The following RAB7A variants were observed in gnomAD, a reference collection of about 807,000 sequenced individuals.
The protein encoded by RAB7A is RAB7A, member RAS oncogene family, also known as ras-related protein Rab-7a.
Under a neutral mutation model 24.5 loss-of-function variants are expected in RAB7A, and 2 were observed. The observed-to-expected ratio is 0.08, with a 90% CI of 0.03 to 0.26. The LOEUF (loss-of-function observed/expected upper bound fraction) is 0.26, where lower values mean the gene tolerates loss of function less well. Ranked by LOEUF, RAB7A falls within the 10% of genes least tolerant of loss-of-function variation. The pLI is 1.00. For synonymous variants in RAB7A, 100 were observed against 95.9 expected, an observed-to-expected ratio of 1.04 and a Z score of -0.25; for missense variants, 118 against 255.7, an observed-to-expected ratio of 0.46 and a Z score of 3.67.
intron 5 of RAB7A, among the ~76,000 whole-genome samples, chr3:128,809,886 G>A (rs2107617018): frequency 6.8e-6 from 1 of 146,078 alleles, no homozygotes; most frequent in South Asian, 2.2e-4. Flanking sequence ...CCCTTATCTG[G>A]ACTGTGTTGA....
intron 1 of RAB7A, among the ~76,000 whole-genome samples, chr3:128,792,289 T>C (rs967644616): frequency 6.6e-6 from 1 of 152,240 alleles, no homozygotes; most frequent in Non-Finnish European, 1.5e-5. Flanking sequence ...GGTACACCAG[T>C]GAAACCTATT....
chr3:128,762,056 T>C (rs1432188469), intron 1 of RAB7A, among the ~76,000 whole-genome samples: 2 of 152,354 alleles, frequency 1.3e-5, no homozygotes, highest in Non-Finnish European at 2.9e-5. Context: ...TTCATGGTAC[T>C]TAATGCCACT....
At position 128,807,751 on chromosome 3, in the gene RAB7A, A is replaced by G. The variant is rs1933836284; in HGVS notation, c.528+80A>G. 3 of 1,593,170 alleles carry G rather than the reference A, an allele frequency of 1.9e-6. No individual in the cohort carries two copies. In the South Asian group the frequency reaches 3.3e-5, roughly 18 times the overall value. ...GTCCCTGCCTGGCCTCCTGCCCTTA[A>G]TCTTCTTCCCTAACCCACTCTTTTC... On this transcript the variant is annotated intron_variant, in intron 5 of 5. Coordinates refer to ENST00000265062, the MANE Select transcript of RAB7A (RefSeq NM_004637.6).
rs932295589 is a variant in RAB7A at position 128,733,387 on chromosome 3, C to G, written c.-9+7028C>G. ...TTGTGTACAGTTGTAACTGGAGTTT[C>G]CATTGCTCAGTAGTATTATGTGATA... On this transcript the variant is annotated intron_variant, in intron 1 of 5. Coordinates refer to ENST00000265062, the MANE Select transcript of RAB7A (RefSeq NM_004637.6). Among the ~76,000 whole-genome samples, 3 of 152,216 alleles carry G rather than the reference C, an allele frequency of 2.0e-5. No individual in the cohort carries two copies. In the East Asian group the frequency reaches 5.8e-4, roughly 29 times the overall value.
chr3:128,751,143 G>T (rs2070677038), intron 1 of RAB7A, among the ~76,000 whole-genome samples: 1 of 152,204 alleles, frequency 6.6e-6, no homozygotes, highest in African/African-American at 2.4e-5. Flanking sequence ...GAGAACCTCT[G>T]CTAGGGCATT....
At chr3:128,732,638 C>T (rs2070450135) in intron 1 of RAB7A, among the ~76,000 whole-genome samples, 1 of 152,010 alleles carries the variant, frequency 6.6e-6, no homozygotes, top group African/African-American at 2.4e-5. Flanking sequence ...AGACCACCTT[C>T]AGCAACAAAG....
chr3:128,726,407 CT>C (rs1229944614), intron 1 of RAB7A, 48 bp downstream of exon 1: 8 of 152,530 alleles, frequency 5.2e-5, no homozygotes, highest in Admixed American at 3.9e-4. Context: ...CATCCCCCCC[CT>C]CAGCCCCTCG....
chr3:128,731,655 TC>T (rs2070437945), intron 1 of RAB7A, among the ~76,000 whole-genome samples: 1 of 152,128 alleles, frequency 6.6e-6, no homozygotes, highest in Non-Finnish European at 1.5e-5. Flanking sequence ...TGATGTACCA[TC>T]CTGCCTTTCC....
chr3:128,765,142 GT>G, intron 1 of RAB7A: 1 of 703,476 alleles, frequency 1.4e-6, no homozygotes, highest in East Asian at 2.7e-5. Flanking sequence ...GCCGGCCGGG[GT>G]GGGGGACGAG....
chr3:128,789,613 A>G (rs1183597153), intron 1 of RAB7A, among the ~76,000 whole-genome samples: 1 of 152,112 alleles, frequency 6.6e-6, no homozygotes, highest in Non-Finnish European at 1.5e-5. Flanking sequence ...GATTACAGGC[A>G]TGAGTCACCC....
At chr3:128,777,056 TA>T (rs1345427323) in intron 1 of RAB7A, among the ~76,000 whole-genome samples, 1 of 152,084 alleles carries the variant, frequency 6.6e-6, no homozygotes, top group African/African-American at 2.4e-5. Context: ...TTTTAAAAAT[TA>T]GATTATTTGT....
intron 3 of RAB7A, among the ~76,000 whole-genome samples, chr3:128,799,632 C>G (rs1281123498): frequency 6.6e-6 from 1 of 152,186 alleles, no homozygotes; most frequent in African/African-American, 2.4e-5. Flanking sequence ...CTCATCCTCA[C>G]CTCACCTACA....
intron 1 of RAB7A, among the ~76,000 whole-genome samples, chr3:128,730,915 A>G (rs2070430126): frequency 6.6e-6 from 1 of 152,214 alleles, no homozygotes; most frequent in Non-Finnish European, 1.5e-5. Flanking sequence ...AGTTGGGACC[A>G]AGCAAATCCA....
chr3:128,774,797 C>T (rs977512147), intron 1 of RAB7A, among the ~76,000 whole-genome samples: 1 of 152,186 alleles, frequency 6.6e-6, no homozygotes, highest in African/African-American at 2.4e-5. Context: ...TGGTCTCGAT[C>T]TCCTGCCCTC....
At chr3:128,812,803 G>A (rs979649531) in intron 5 of RAB7A, among the ~76,000 whole-genome samples, 2 of 152,174 alleles carry the variant, frequency 1.3e-5, no homozygotes, top group Admixed American at 6.5e-5. Flanking sequence ...CATTGGTCCC[G>A]AAAAGTGGAT....
chr3:128,781,991 C>T (rs529680781), intron 1 of RAB7A, among the ~76,000 whole-genome samples: 5 of 152,218 alleles, frequency 3.3e-5, no homozygotes, highest in South Asian at 4.2e-4. Context: ...CCAGCCTGGG[C>T]GACAGAGCGA....
chr3:128,770,554 C>T (rs543275717), intron 1 of RAB7A, among the ~76,000 whole-genome samples: 2 of 152,082 alleles, frequency 1.3e-5, no homozygotes, highest in Non-Finnish European at 2.9e-5. Flanking sequence ...CGTGTCTCAC[C>T]GGATACGCTG....
rs750766845 is a variant in RAB7A at position 128,807,651 on chromosome 3, G to A, written c.508G>A (p.Ala170Thr). The A allele has an allele frequency of 9.3e-6, 15 of 1,614,080 alleles. No homozygotes were observed. The highest frequency in any genetic ancestry group is 1.3e-5 in the Non-Finnish European group (15 of 1,180,030). Reference sequence around the variant, plus strand: ...CGTGGAGCAGGCGTTCCAGACGATTGCACGGAATGCACTTAAGCAGGTGGG... The same window carrying A: ...CGTGGAGCAGGCGTTCCAGACGATTACACGGAATGCACTTAAGCAGGTGGG... ...INVEQAFQTI[A>T]RNALKQETEV... is the part of the protein sequence containing the mutation. Residue 170 changes from alanine (A) to threonine (T), a missense_variant, in exon 5 of 6, where the codon GCA becomes ACA. This residue lies in a region of RAB7A where 66 missense variants were observed against 82.2 expected (regional missense o/e 0.80). Coordinates refer to ENST00000265062, the MANE Select transcript of RAB7A (RefSeq NM_004637.6).
chr3:128,797,850 G>A (rs2107612087), intron 2 of RAB7A, 93 bp from the exon 3 acceptor site: 2 of 1,471,382 alleles, frequency 1.4e-6, no homozygotes, highest in Admixed American at 3.4e-5. Flanking sequence ...TGTCCTTCAG[G>A]TCAGGCAGAT....
Sources: allele counts gnomAD v4.1 joint callset (sites outside exome capture counted in the v4.1 genomes callset), GRCh38; gene constraint gnomAD v4.1.1; regional missense constraint gnomAD v4.1.1; transcripts MANE v1.5; gene names NCBI Gene and HGNC (gene_info 2026-07-23, HGNC 2026-07-21).